The following MBNL1 variants were observed in gnomAD, a reference collection of about 807,000 sequenced individuals.
MBNL1 encodes the protein muscleblind like splicing regulator 1.
Under a neutral mutation model 42.2 loss-of-function variants are expected in MBNL1, and 8 were observed. The observed-to-expected ratio is 0.19, with a 90% confidence interval of 0.11 to 0.34. MBNL1 has a LOEUF of 0.34. Among genes scored for constraint, MBNL1 ranks in the 10% least tolerant of loss-of-function variants. The pLI, the probability that MBNL1 is intolerant of heterozygous loss-of-function variation, is 1.00. For missense variants in MBNL1, 309 were observed against 495.3 expected, an observed-to-expected ratio of 0.62 and a Z score of 3.57; for synonymous variants, 169 against 173.9, an observed-to-expected ratio of 0.97 and a Z score of 0.22.
intron 2 of MBNL1, among the ~76,000 whole-genome samples, chr3:152,301,694 C>A (rs775888587): frequency 6.6e-6 from 1 of 152,172 alleles, no homozygotes. Context: ...CCCATTGAGA[C>A]TTTCTTCACC....
intron 1 of MBNL1, among the ~76,000 whole-genome samples, chr3:152,287,702 T>A (rs2053391411): frequency 6.6e-6 from 1 of 152,160 alleles, no homozygotes; most frequent in African/African-American, 2.4e-5. Context: ...AATAAACAAT[T>A]TGCAGTTATT....
chr3:152,297,274 T>A lies in MBNL1; in HGVS notation c.-789-2131T>A, dbSNP rs1421908108. ...CCTTTGTTTTTTTTTTTTTTTTTTTTATAGAAACTGGCATTAAGACCTAGG... is the reference window on the plus strand; with the variant it reads ...CCTTTGTTTTTTTTTTTTTTTTTTTAATAGAAACTGGCATTAAGACCTAGG... On this transcript the variant is annotated intron_variant, in intron 1 of 9. Coordinates refer to ENST00000324210, the MANE Select transcript of MBNL1 (RefSeq NM_021038.5). Among the ~76,000 whole-genome samples, 42 of 149,844 alleles carry A rather than the reference T, an allele frequency of 2.8e-4. 1 individual carries two copies. The highest frequency in any genetic ancestry group is 8.4e-4 in the African/African-American group (34 of 40,520).
chr3:152,252,834 T>G (rs1395419106), intron 2 of MBNL1, among the ~76,000 whole-genome samples: 1 of 152,030 alleles, frequency 6.6e-6, no homozygotes, highest in Non-Finnish European at 1.5e-5. Flanking sequence ...CTAAAAAAAT[T>G]TTCACTCTTT....
chr3:152,375,815 G>T (rs183118111), intron 2 of MBNL1, among the ~76,000 whole-genome samples: 5 of 147,782 alleles, frequency 3.4e-5, no homozygotes, highest in African/African-American at 1.2e-4. Flanking sequence ...CCAAGACCTT[G>T]TCTCAAAAAA....
chr3:152,283,801 C>T (rs2049946323), intron 1 of MBNL1, among the ~76,000 whole-genome samples: 1 of 152,302 alleles, frequency 6.6e-6, no homozygotes, highest in East Asian at 1.9e-4. Flanking sequence ...TTCCCACATC[C>T]CTGCCATTAC....
chr3:152,397,703 T>C (rs772259203), intron 2 of MBNL1, among the ~76,000 whole-genome samples: 10 of 152,200 alleles, frequency 6.6e-5, no homozygotes, highest in Non-Finnish European at 1.5e-4. Context: ...AATCTTTCCT[T>C]AAAATAACCC....
At chr3:152,446,261 C>T (rs1034794642) in intron 5 of MBNL1, among the ~76,000 whole-genome samples, 1 of 151,878 alleles carries the variant, frequency 6.6e-6, no homozygotes, top group Non-Finnish European at 1.5e-5. Context: ...TTAATGTTGT[C>T]ATTTTTTTAC....
intron 3 of MBNL1, among the ~76,000 whole-genome samples, chr3:152,425,162 G>A (rs973081711): frequency 6.6e-6 from 1 of 151,750 alleles, no homozygotes; most frequent in African/African-American, 2.4e-5. Flanking sequence ...TCATCCATCT[G>A]ACCAAGGGCT....
intron 2 of MBNL1, among the ~76,000 whole-genome samples, chr3:152,350,515 A>G (rs186604409): frequency 1.1e-3 from 167 of 152,290 alleles, no homozygotes; most frequent in Middle Eastern, 3.4e-3. Flanking sequence ...GGGTTATTCC[A>G]CTGCAGAATA....
intron 5 of MBNL1, among the ~76,000 whole-genome samples, chr3:152,446,952 A>G (rs2099236077): frequency 6.6e-6 from 1 of 152,248 alleles, no homozygotes; most frequent in African/African-American, 2.4e-5. Flanking sequence ...ATATCATACA[A>G]TAAAAGATTC....
intron 2 of MBNL1, among the ~76,000 whole-genome samples, chr3:152,317,000 C>G (rs927949055): frequency 6.6e-6 from 1 of 152,018 alleles, no homozygotes; most frequent in African/African-American, 2.4e-5. Flanking sequence ...GTAACTGTTT[C>G]ATAACTGTCC....
At chr3:152,348,489 C>G (rs1165146803) in intron 2 of MBNL1, among the ~76,000 whole-genome samples, 1 of 152,046 alleles carries the variant, frequency 6.6e-6, no homozygotes, top group South Asian at 2.1e-4. Flanking sequence ...TCCTCATTTT[C>G]TCTTGTGGTA....
At chr3:152,411,227 C>G (rs2098555457) in intron 2 of MBNL1, among the ~76,000 whole-genome samples, 1 of 152,174 alleles carries the variant, frequency 6.6e-6, no homozygotes, top group Non-Finnish European at 1.5e-5. Flanking sequence ...CTGTACCTAT[C>G]AAAACTGAAG....
intron 2 of MBNL1, among the ~76,000 whole-genome samples, chr3:152,328,189 A>G (rs768287019): frequency 1.3e-5 from 2 of 152,116 alleles, no homozygotes; most frequent in Non-Finnish European, 2.9e-5. Context: ...ATTTTAGAAA[A>G]TGTACAGTTT....
At chr3:152,332,740 G>GCA (rs2085979332) in intron 2 of MBNL1, among the ~76,000 whole-genome samples, 1 of 45,262 alleles carries the variant, frequency 2.2e-5, no homozygotes. Context: ...GTGTGTGTGT[G>GCA]CGCGCGCGCA....
At chr3:152,447,495 G>A (rs1043900340) in intron 5 of MBNL1, 125 bp from the exon 6 acceptor site, 20 of 427,022 alleles carry the variant, frequency 4.7e-5, no homozygotes, top group Non-Finnish European at 7.4e-5. Flanking sequence ...TTTTTCCCTC[G>A]GGTAGTTAAG....
At chr3:152,333,266 T>A (rs1365447012) in intron 2 of MBNL1, among the ~76,000 whole-genome samples, 1 of 152,182 alleles carries the variant, frequency 6.6e-6, no homozygotes, top group African/African-American at 2.4e-5. Context: ...AAAACTGAAT[T>A]TGTCCTTGAT....
At chr3:152,446,650 C>T (rs1009698964) in intron 5 of MBNL1, 27 of 1,423,982 alleles carry the variant, frequency 1.9e-5, no homozygotes, top group South Asian at 2.3e-5. Context: ...TATGTTAATG[C>T]GCTTGAACCC....
chr3:152,436,804 C>CT (rs2099083946), intron 4 of MBNL1, among the ~76,000 whole-genome samples: 1 of 152,236 alleles, frequency 6.6e-6, no homozygotes, highest in Non-Finnish European at 1.5e-5. Context: ...TGTCTGTTTT[C>CT]TTTTGCTGTA....
Sources: allele counts gnomAD v4.1 joint callset (sites outside exome capture counted in the v4.1 genomes callset), GRCh38; gene constraint gnomAD v4.1.1; transcripts MANE v1.5; gene names NCBI Gene and HGNC (gene_info 2026-07-23, HGNC 2026-07-21).